ADARB2: variants seen among roughly 807,000 people sequenced by gnomAD.
The protein encoded by ADARB2 is adenosine deaminase RNA specific B2 (inactive), also known as inactive double-stranded RNA-specific editase B2.
Under a neutral mutation model 62.2 loss-of-function variants are expected in ADARB2, and 25 were observed. The observed-to-expected ratio is 0.40, with a 90% CI of 0.29 to 0.56. ADARB2 has a LOEUF of 0.56. Ranked by LOEUF, ADARB2 falls within the 20% of genes least tolerant of loss-of-function variation. ADARB2 has a pLI of 0.43. For synonymous variants in ADARB2, 572 were observed against 500.8 expected (o/e 1.14, Z -1.90); for missense variants, 1,071 against 1,077.4 (o/e 0.99, Z 0.08).
rs1588311521 is a variant in ADARB2 at position 1,582,686 on chromosome 10, A to G, written c.100+154365T>C. ...CACATCTGCTGGTGTCTGTGGCTCG[A>G]CCCTAACACTAGTGCAAATGCTACT... On this transcript the variant is annotated intron_variant, in intron 1 of 9. Transcript: ENST00000381312. Among the ~76,000 whole-genome samples, 6 of 152,040 alleles carry G rather than the reference A, an allele frequency of 3.9e-5. No individual in the cohort carries two copies. In the South Asian group the frequency reaches 1.2e-3, roughly 32 times the overall value.
At chr10:1,479,048 G>C (rs150930422) in intron 1 of ADARB2, among the ~76,000 whole-genome samples, 1 of 152,168 alleles carries the variant, frequency 6.6e-6, no homozygotes, top group East Asian at 1.9e-4. Context: ...AGAGGGGAGT[G>C]GGGCTGCAGC....
intron 8 of ADARB2, among the ~76,000 whole-genome samples, chr10:1,191,222 G>A (rs1246673914): frequency 6.6e-6 from 1 of 152,262 alleles, no homozygotes; most frequent in Non-Finnish European, 1.5e-5. Flanking sequence ...CCTTCTGTGT[G>A]TGATGAGGAC....
intron 1 of ADARB2, among the ~76,000 whole-genome samples, chr10:1,421,568 C>G (rs1040690596): frequency 1.3e-5 from 2 of 151,974 alleles, no homozygotes; most frequent in African/African-American, 4.8e-5. Flanking sequence ...TATCCTGGGC[C>G]CTGGGACTAT....
chr10:1,432,844 C>A (rs1196944735), intron 1 of ADARB2, among the ~76,000 whole-genome samples: 1 of 152,108 alleles, frequency 6.6e-6, no homozygotes, highest in Non-Finnish European at 1.5e-5. Flanking sequence ...AAGGCCCAGG[C>A]ATCCCCCAAG....
At chr10:1,575,330 G>T (rs868401094) in intron 1 of ADARB2, among the ~76,000 whole-genome samples, 7 of 152,202 alleles carry the variant, frequency 4.6e-5, no homozygotes, top group South Asian at 4.1e-4. Flanking sequence ...TCATTAAAAA[G>T]GTAGTGGCTG....
chr10:1,724,417 G>A (rs1835136858), intron 1 of ADARB2, among the ~76,000 whole-genome samples: 2 of 152,202 alleles, frequency 1.3e-5, no homozygotes, highest in South Asian at 4.1e-4. Flanking sequence ...AGGGCACATA[G>A]CCTGCCTGGT....
intron 4 of ADARB2, among the ~76,000 whole-genome samples, chr10:1,267,957 A>G (rs964615782): frequency 1.7e-4 from 26 of 152,330 alleles, no homozygotes; most frequent in African/African-American, 6.0e-4. Context: ...ACCAGTGATG[A>G]TGGTGTAAAG....
intron 1 of ADARB2, among the ~76,000 whole-genome samples, chr10:1,736,062 G>C (rs1209780958): frequency 6.6e-6 from 1 of 152,054 alleles, no homozygotes; most frequent in Non-Finnish European, 1.5e-5. Context: ...TTTTCCAACC[G>C]TTCTTTATAC....
chr10:1,471,132 A>C (rs187288043), intron 1 of ADARB2, among the ~76,000 whole-genome samples: 5 of 152,318 alleles, frequency 3.3e-5, no homozygotes, highest in African/African-American at 1.2e-4. Flanking sequence ...ATGATCCCAC[A>C]GGGGTGGTTT....
intron 1 of ADARB2, among the ~76,000 whole-genome samples, chr10:1,466,037 G>A (rs891451162): frequency 6.6e-6 from 1 of 152,178 alleles, no homozygotes; most frequent in East Asian, 1.9e-4. Flanking sequence ...GACAAGAACC[G>A]AAGGCTCTCA....
chr10:1,477,372 C>A lies in ADARB2; in HGVS notation c.101-98212G>T, dbSNP rs1218261070. Among the ~76,000 whole-genome samples the A allele has an allele frequency of 6.6e-6, 1 of 152,188 alleles. No homozygotes were observed. Among genetic ancestry groups the A allele is most frequent in the East Asian group, 1.9e-4 (1 of 5,188 alleles). ...TACCTCACTCCACAAGTAGCCCCAGCAGCATGACCTTATCTGCCCATGGCC... is the reference window on the plus strand; with the variant it reads ...TACCTCACTCCACAAGTAGCCCCAGAAGCATGACCTTATCTGCCCATGGCC... On this transcript the variant is annotated intron_variant, in intron 1 of 9. Transcript: ENST00000381312. This position sits in a 1 kb window ranked among gnomAD's most constrained non-coding sequence, Gnocchi z 4.5.
intron 1 of ADARB2, among the ~76,000 whole-genome samples, chr10:1,430,582 A>G (rs193127135): frequency 6.6e-6 from 1 of 152,200 alleles, no homozygotes; most frequent in African/African-American, 2.4e-5. Context: ...AGTAGTAATT[A>G]AAAAATCAGT....
Position 1,200,075 on chromosome 10 carries a change from C to T in ADARB2, c.1755G>A (p.Val585=). 1.9e-6 allele frequency: 3 copies of T among 1,580,476 alleles called. No individual in the cohort carries two copies. Among genetic ancestry groups the T allele is most frequent in the Non-Finnish European group, 2.6e-6 (3 of 1,165,798 alleles). ...GGCCCGTGTGGTGCAGGCTGCCCAC[C>T]ACGATGCTCTGCAGGTACACGGGCT... ...FVEPVYLQSI[V]VGSLHHTGHL... Residue 585 remains valine (V), a synonymous_variant, in exon 8 of 10, where the codon GTG becomes GTA. Coordinates refer to ENST00000381312, the MANE Select transcript of ADARB2 (RefSeq NM_018702.4).
chr10:1,563,160 G>A (rs11250624), intron 1 of ADARB2, among the ~76,000 whole-genome samples: 32,142 of 151,370 alleles, frequency 0.21, 3,586 homozygotes, highest in Non-Finnish European at 0.23. Context: ...GTGACCTCCC[G>A]CACCCTTTGA....
At chr10:1,407,110 G>T (rs574642858) in intron 1 of ADARB2, among the ~76,000 whole-genome samples, 1 of 152,320 alleles carries the variant, frequency 6.6e-6, no homozygotes, top group African/African-American at 2.4e-5. Flanking sequence ...TTATGCAGGT[G>T]CTTACAAAGT....
chr10:1,661,871 C>A, intron 1 of ADARB2, among the ~76,000 whole-genome samples: 1 of 152,218 alleles, frequency 6.6e-6, no homozygotes, highest in East Asian at 1.9e-4. Context: ...GCTTCACCGT[C>A]TTCCCTCTAC....
chr10:1,386,833 A>G (rs543713547), intron 1 of ADARB2, among the ~76,000 whole-genome samples: 1 of 152,060 alleles, frequency 6.6e-6, no homozygotes, highest in South Asian at 2.1e-4. Flanking sequence ...AGAACACTGT[A>G]TAGAGTATTT....
intron 4 of ADARB2, among the ~76,000 whole-genome samples, chr10:1,260,001 A>C (rs1176289335): frequency 6.6e-6 from 1 of 152,170 alleles, no homozygotes; most frequent in African/African-American, 2.4e-5. Flanking sequence ...TCAACATACG[A>C]AAATCAATAA....
intron 1 of ADARB2, among the ~76,000 whole-genome samples, chr10:1,712,879 G>T (rs909838295): frequency 6.6e-6 from 1 of 152,066 alleles, no homozygotes; most frequent in East Asian, 1.9e-4. Flanking sequence ...AAAGTGCTGG[G>T]ATTACAGGCG....
Sources: gnomAD v4.1 joint callset for allele counts (sites outside exome capture counted in the v4.1 genomes callset) on GRCh38, gnomAD v4.1.1 for gene constraint, Gnocchi (gnomAD v3.1) non-coding constraint, MANE v1.5 for transcripts, NCBI Gene and HGNC (gene_info 2026-07-23, HGNC 2026-07-21) for gene names.